Variants in FGF12 observed in about 807,000 individuals in gnomAD.
FGF12 encodes the protein fibroblast growth factor 12, also known as fibroblast growth factor 12B.
FGF12 carries 14 observed loss-of-function variants against 23.6 expected under a neutral mutation model. The ratio of observed to expected loss-of-function variants is 0.59; its 90% CI spans 0.39 to 0.93. FGF12 has a LOEUF of 0.93. Ranked by LOEUF, FGF12 falls within the 40% of genes least tolerant of loss-of-function variation. The pLI, the probability that FGF12 is intolerant of heterozygous loss-of-function variation, is 0.00. For synonymous variants in FGF12, 62 were observed against 77.3 expected (o/e 0.80, Z 1.04); for missense variants, 175 against 217.8 (o/e 0.80, Z 1.24).
intron 5 of FGF12, among the ~76,000 whole-genome samples, chr3:192,145,764 C>T (rs982747014): frequency 6.6e-6 from 1 of 152,172 alleles, no homozygotes; most frequent in Non-Finnish European, 1.5e-5. Flanking sequence ...AGGAAACCAG[C>T]TCAGAGAGTA....
At chr3:192,353,610 C>A (rs1718328314) in intron 3 of FGF12, among the ~76,000 whole-genome samples, 1 of 152,074 alleles carries the variant, frequency 6.6e-6, no homozygotes, top group Admixed American at 6.5e-5. Flanking sequence ...ACCTTGTGAT[C>A]CGCCAGCCTC....
intron 2 of FGF12, among the ~76,000 whole-genome samples, chr3:192,622,642 A>C (rs1165136916): frequency 4.6e-5 from 7 of 152,234 alleles, no homozygotes. Flanking sequence ...TAAACTAGAC[A>C]AAGTATTCTC....
chr3:192,254,101 T>C (rs201938307), intron 4 of FGF12, among the ~76,000 whole-genome samples: 4 of 152,034 alleles, frequency 2.6e-5, no homozygotes, highest in African/African-American at 7.2e-5. Flanking sequence ...GTCACCACCT[T>C]GTACCATAGT....
intron 2 of FGF12, among the ~76,000 whole-genome samples, chr3:192,459,112 C>T (rs1382201461): frequency 1.3e-5 from 2 of 152,160 alleles, no homozygotes; most frequent in African/African-American, 2.4e-5. Flanking sequence ...TTTTTCTTCC[C>T]AGTCTAGAGT....
chr3:192,327,430 C>T (rs572894814), intron 4 of FGF12, among the ~76,000 whole-genome samples: 3 of 151,806 alleles, frequency 2.0e-5, no homozygotes, highest in East Asian at 3.9e-4. Flanking sequence ...AAACTGTGTT[C>T]GCACAATTTG....
intron 2 of FGF12, among the ~76,000 whole-genome samples, chr3:192,614,080 A>T (rs11920097): frequency 0.04 from 6,126 of 151,948 alleles, 402 homozygotes; most frequent in African/African-American, 0.14. Context: ...TCTCCTGAAC[A>T]TATACTTGCT....
chr3:192,675,076 T>C (rs1399826940), intron 2 of FGF12, among the ~76,000 whole-genome samples: 1 of 152,138 alleles, frequency 6.6e-6, no homozygotes, highest in Non-Finnish European at 1.5e-5. Context: ...AATGGGCAAA[T>C]GCAGAAACCA....
chr3:192,326,537 A>G (rs1420978876), intron 4 of FGF12, among the ~76,000 whole-genome samples: 1 of 152,112 alleles, frequency 6.6e-6, no homozygotes, highest in African/African-American at 2.4e-5. Context: ...TCGTCATCTC[A>G]CAATCTTAAC....
At chr3:192,291,791 CTA>C (rs1714772217) in intron 4 of FGF12, among the ~76,000 whole-genome samples, 1 of 152,106 alleles carries the variant, frequency 6.6e-6, no homozygotes, top group South Asian at 2.1e-4. Context: ...TACATTCTTT[CTA>C]TGTTTTAAGG....
chr3:192,417,830 T>C (rs1721402895), intron 2 of FGF12, among the ~76,000 whole-genome samples: 1 of 152,024 alleles, frequency 6.6e-6, no homozygotes, highest in African/African-American at 2.4e-5. Flanking sequence ...GGTTATGCCC[T>C]AAGTGAGGGA....
intron 2 of FGF12, among the ~76,000 whole-genome samples, chr3:192,577,357 T>C (rs1179714326): frequency 1.3e-5 from 2 of 152,220 alleles, no homozygotes; most frequent in African/African-American, 4.8e-5. Flanking sequence ...AATCTTTTTT[T>C]AAATGAACAA....
intron 4 of FGF12, among the ~76,000 whole-genome samples, chr3:192,218,808 T>A (rs78715615): frequency 0.018 from 2,670 of 152,324 alleles, 74 homozygotes; most frequent in African/African-American, 0.061. Context: ...AACCATTTTA[T>A]TTGGACAATA....
chr3:192,374,161 A>G (rs1356527009), intron 2 of FGF12, among the ~76,000 whole-genome samples: 1 of 152,208 alleles, frequency 6.6e-6, no homozygotes, highest in Middle Eastern at 3.2e-3. Context: ...ATACAAAAAC[A>G]TTGGGTTTTT....
rs1021631189 is a variant in FGF12 at position 192,409,513 on chromosome 3, G to A, written c.14-48975C>T. 2.0e-5 allele frequency among the ~76,000 whole-genome samples: 3 copies of A among 152,226 alleles called. No individual in the cohort carries two copies. Among genetic ancestry groups the A allele is most frequent in the Non-Finnish European group, 4.4e-5 (3 of 68,032 alleles). On this transcript the variant is annotated intron_variant, in intron 2 of 5. Transcript: ENST00000445105. This position sits in a 1 kb window ranked among gnomAD's most constrained non-coding sequence, Gnocchi z 4.8. ...GCGCCCCGGCAGTCAGCAGCTCACA[G>A]GCAGCAGATCAGATGGGGATTACCC...
At chr3:192,664,486 C>T (rs879385593) in intron 2 of FGF12, among the ~76,000 whole-genome samples, 6 of 151,790 alleles carry the variant, frequency 4.0e-5, no homozygotes, top group East Asian at 3.9e-4. Flanking sequence ...CGGTGGCTCA[C>T]GCCTGTAATC....
At chr3:192,501,070 T>C (rs1560130899) in intron 2 of FGF12, among the ~76,000 whole-genome samples, 1 of 152,094 alleles carries the variant, frequency 6.6e-6, no homozygotes, top group Non-Finnish European at 1.5e-5. Flanking sequence ...GAGTGAAAAA[T>C]AAGATGCAGA....
intron 2 of FGF12, among the ~76,000 whole-genome samples, chr3:192,585,060 G>T (rs977805283): frequency 6.6e-6 from 1 of 152,104 alleles, no homozygotes; most frequent in Non-Finnish European, 1.5e-5. Context: ...GGTTTATTCT[G>T]CTGCATTCAA....
At chr3:192,508,068 GT>G (rs1257844101) in intron 2 of FGF12, among the ~76,000 whole-genome samples, 1 of 152,134 alleles carries the variant, frequency 6.6e-6, no homozygotes, top group Non-Finnish European at 1.5e-5. Context: ...GTGTCACTAA[GT>G]TTTATTTAAA....
chr3:192,332,443 A>C (rs1202291103), intron 4 of FGF12, among the ~76,000 whole-genome samples: 1 of 152,102 alleles, frequency 6.6e-6, no homozygotes, highest in Non-Finnish European at 1.5e-5. Context: ...AATACAAACT[A>C]TTATGGTAAA....
Sources: gnomAD v4.1 joint callset for allele counts (sites outside exome capture counted in the v4.1 genomes callset) on GRCh38, gnomAD v4.1.1 for gene constraint, Gnocchi (gnomAD v3.1) non-coding constraint, MANE v1.5 for transcripts, NCBI Gene and HGNC (gene_info 2026-07-23, HGNC 2026-07-21) for gene names.